The following TNRC18 variants were observed in gnomAD, a reference collection of about 807,000 sequenced individuals.
TNRC18 encodes the protein trinucleotide repeat containing 18.
In TNRC18, 69 loss-of-function variants were observed where a neutral mutation model predicts 226.7. The observed-to-expected ratio is 0.30, with a 90% CI of 0.25 to 0.37. The LOEUF (loss-of-function observed/expected upper bound fraction) is 0.37. Ranked by LOEUF, TNRC18 falls within the 10% of genes least tolerant of loss-of-function variation. The probability of loss-of-function intolerance (pLI) is 1.00; values close to 1 mark genes in which losing one functional copy is unlikely to be tolerated. For missense variants in TNRC18, 4,754 were observed against 4,256.6 expected (o/e 1.12, Z -3.25); for synonymous variants, 2,449 against 1,927.6 (o/e 1.27, Z -7.09).
intron 2 of TNRC18, among the ~76,000 whole-genome samples, chr7:5,396,018 A>C (rs1780658735): frequency 1.4e-5 from 2 of 147,872 alleles, no homozygotes; most frequent in Non-Finnish European, 3.0e-5. Context: ...AAAAATGCTA[A>C]AAATTAGCTG....
rs1786921789 is a variant in TNRC18 at position 5,309,096 on chromosome 7, C to G, written c.8625+36G>C. The G allele has an allele frequency of 6.4e-7, 1 of 1,564,498 alleles. No individual in the cohort carries two copies. Among genetic ancestry groups the G allele is most frequent in the African/African-American group, 1.4e-5 (1 of 73,510 alleles). ...CGCCCTCAGGTCTGCCCTACACCGC[C>G]TAGGACTGGGGGCCGCAGCCGGGCC... On this transcript the variant is annotated intron_variant, in intron 28 of 29. Transcript: ENST00000430969. This position sits in a 1 kb window ranked among gnomAD's most constrained non-coding sequence, Gnocchi z 5.7.
intron 24 of TNRC18, among the ~76,000 whole-genome samples, chr7:5,316,993 T>C (rs1324506424): frequency 6.6e-6 from 1 of 152,092 alleles, no homozygotes; most frequent in Non-Finnish European, 1.5e-5. Context: ...TGAAAGACAC[T>C]GAGCGCAGGG....
chr7:5,336,043 C>CA (rs1234114202), intron 18 of TNRC18, among the ~76,000 whole-genome samples: 5 of 151,830 alleles, frequency 3.3e-5, no homozygotes, highest in East Asian at 1.9e-4. Flanking sequence ...CCCATCTCTA[C>CA]AAAAAATACA....
intron 14 of TNRC18, among the ~76,000 whole-genome samples, 177 bp downstream of exon 14, chr7:5,361,417 C>T (rs918002989): frequency 1.3e-5 from 2 of 152,196 alleles, no homozygotes; most frequent in East Asian, 1.9e-4. Flanking sequence ...GCACCGGCCT[C>T]GCTCCCTCCT....
chr7:5,355,799 G>A (rs1440356209), intron 16 of TNRC18, among the ~76,000 whole-genome samples: 1 of 152,136 alleles, frequency 6.6e-6, no homozygotes, highest in Admixed American at 6.5e-5. Flanking sequence ...GATCACTTGA[G>A]CCCAGGAGCT....
At chr7:5,422,118 G>A (rs956936633) in intron 1 of TNRC18, among the ~76,000 whole-genome samples, 1 of 152,010 alleles carries the variant, frequency 6.6e-6, no homozygotes, top group Non-Finnish European at 1.5e-5. Flanking sequence ...CCCCCGGGGG[G>A]CACTGTGAGT....
At chr7:5,373,811 T>C (rs1794377229) in intron 10 of TNRC18, among the ~76,000 whole-genome samples, 1 of 152,114 alleles carries the variant, frequency 6.6e-6, no homozygotes. Flanking sequence ...CAACTCATCC[T>C]GAAGCAGTTT....
At chr7:5,336,374 C>T (rs1022615762) in intron 18 of TNRC18, among the ~76,000 whole-genome samples, 5 of 152,100 alleles carry the variant, frequency 3.3e-5, no homozygotes, top group Non-Finnish European at 5.9e-5. Flanking sequence ...AACTTGTTTT[C>T]AATGCATGAA....
At chr7:5,375,657 G>C (rs558186434) in intron 9 of TNRC18, among the ~76,000 whole-genome samples, 1 of 152,104 alleles carries the variant, frequency 6.6e-6, no homozygotes, top group Non-Finnish European at 1.5e-5. Flanking sequence ...GTGCCTCTCC[G>C]AGAGGCCACC....
At chr7:5,376,759 C>T (rs1779006238) in intron 8 of TNRC18, 88 bp downstream of exon 8, 1 of 1,504,186 alleles carries the variant, frequency 6.6e-7, no homozygotes, top group Non-Finnish European at 9.0e-7. Context: ...CGGCCGCCAC[C>T]CCTCAGCAGG....
In TNRC18 at chr7:5,377,245, T is replaced by C. The variant is rs887906382; in HGVS notation, c.2461+126A>G. On this transcript the variant is annotated intron_variant, in intron 7 of 29. Coordinates refer to ENST00000430969, the MANE Select transcript of TNRC18 (RefSeq NM_001080495.3). The surrounding 1 kb of genome is among the most constrained non-coding windows in gnomAD (Gnocchi z 5.8). Reference sequence around the variant, plus strand: ...CATTATCATTCCTTCTTCCGACGAATGCGGGAGGCAGGCCCAGGCCCCCCA... The same window carrying C: ...CATTATCATTCCTTCTTCCGACGAACGCGGGAGGCAGGCCCAGGCCCCCCA... The C allele has an allele frequency of 4.3e-6, 5 of 1,157,354 alleles. No homozygotes were observed. Among genetic ancestry groups the C allele is most frequent in the Admixed American group, 2.9e-5 (1 of 34,540 alleles). The allele number at this position is 1,157,354 out of a possible 1,614,324, so 71.7% of individuals were successfully genotyped here. A position where few individuals can be genotyped will look rare whatever the true frequency, so the allele number is the denominator to read the frequency against.
intron 27 of TNRC18, among the ~76,000 whole-genome samples, chr7:5,310,730 G>A (rs1434335535): frequency 6.6e-6 from 1 of 152,246 alleles, no homozygotes; most frequent in Non-Finnish European, 1.5e-5. Flanking sequence ...TTCTAGAGCA[G>A]CTTTGGAAAT....
In TNRC18 at chr7:5,320,612, A is replaced by G; in HGVS notation, c.6561-5T>C. 6.2e-7 allele frequency: 1 copy of G among 1,610,906 alleles called. No homozygotes were observed. The highest frequency in any genetic ancestry group is 1.3e-5 in the African/African-American group (1 of 74,940). Reference sequence around the variant, plus strand: ...CCCTCCACCACCACGCGGTATCTGTAGGAGCAAACGAGGCGTGAGGTGGCA... The same window carrying G: ...CCCTCCACCACCACGCGGTATCTGTGGGAGCAAACGAGGCGTGAGGTGGCA... On this transcript the variant is annotated splice_polypyrimidine_tract_variant and splice_region_variant and intron_variant, in intron 22 of 29. Coordinates refer to ENST00000430969, the MANE Select transcript of TNRC18 (RefSeq NM_001080495.3).
chr7:5,351,207 AG>A (rs1435608207), intron 17 of TNRC18, among the ~76,000 whole-genome samples: 1 of 151,378 alleles, frequency 6.6e-6, no homozygotes, highest in Non-Finnish European at 1.5e-5. Context: ...GGAGGGGAGG[AG>A]GTGGGGGAGA....
Position 5,307,576 on chromosome 7 carries a change from G to A in TNRC18, c.*530C>T. On this transcript the variant is annotated 3_prime_UTR_variant, in exon 30 of 30. Coordinates refer to ENST00000430969, the MANE Select transcript of TNRC18 (RefSeq NM_001080495.3). ...AAGTCTAGGCCATCCTGAGAGGGTGGGGGCAGGGCCCCTGGCACAGTCAGG... is the reference window on the plus strand; with the variant it reads ...AAGTCTAGGCCATCCTGAGAGGGTGAGGGCAGGGCCCCTGGCACAGTCAGG... 1 of 448,776 alleles carries A rather than the reference G, an allele frequency of 2.2e-6. No homozygotes were observed. The allele number at this position is 448,776 out of a possible 1,614,324, so 27.8% of individuals were successfully genotyped here. A position where few individuals can be genotyped will look rare whatever the true frequency, so the allele number is the denominator to read the frequency against.
chr7:5,389,461 G>GTTTTTTTGTTTTTTTT, intron 4 of TNRC18, 125 bp from the exon 5 acceptor site: 1 of 564,672 alleles, frequency 1.8e-6, no homozygotes, highest in African/African-American at 2.8e-5. Context: ...TTTGGTTTTG[G>GTTTTTTTGTTTTTTTT]TTTTTTTTTT....
intron 4 of TNRC18, 33 bp from the exon 5 acceptor site, chr7:5,389,369 G>C: frequency 8.1e-7 from 1 of 1,241,378 alleles, no homozygotes; most frequent in Non-Finnish European, 1.0e-6. Flanking sequence ...CAGTGAGCGA[G>C]CGCCACCTCC....
chr7:5,331,193 G>A (rs999917532), intron 19 of TNRC18, among the ~76,000 whole-genome samples: 1 of 152,064 alleles, frequency 6.6e-6, no homozygotes, highest in Non-Finnish European at 1.5e-5. Context: ...TTATTTGAGG[G>A]TTCCTCCTAT....
intron 19 of TNRC18, among the ~76,000 whole-genome samples, chr7:5,331,427 G>A (rs1182267240): frequency 2.6e-5 from 4 of 152,046 alleles, no homozygotes; most frequent in African/African-American, 9.7e-5. Flanking sequence ...GGGTAGGAAA[G>A]AAAATCCCAC....
Sources: allele counts gnomAD v4.1 joint callset (sites outside exome capture counted in the v4.1 genomes callset), GRCh38; gene constraint gnomAD v4.1.1; non-coding constraint Gnocchi (gnomAD v3.1); transcripts MANE v1.5; gene names NCBI Gene and HGNC (gene_info 2026-07-23, HGNC 2026-07-21).